The following MYO1D variants were observed in gnomAD, a reference collection of about 807,000 sequenced individuals.
MYO1D encodes the protein myosin ID.
A neutral mutation model predicts 122.0 loss-of-function variants in MYO1D; 83 were observed. That is an observed-to-expected ratio of 0.68 (90% CI 0.57 to 0.82). The LOEUF is 0.82. Among genes scored for constraint, MYO1D ranks in the 40% least tolerant of loss-of-function variants. The probability of loss-of-function intolerance (pLI) is 0.00; values close to 1 mark genes in which losing one functional copy is unlikely to be tolerated. For missense variants in MYO1D, 1,157 were observed against 1,269.5 expected, an observed-to-expected ratio of 0.91 and a Z score of 1.35; for synonymous variants, 464 against 446.9, an observed-to-expected ratio of 1.04 and a Z score of -0.48.
intron 21 of MYO1D, among the ~76,000 whole-genome samples, chr17:32,553,037 G>A (rs1192090810): frequency 1.3e-5 from 2 of 149,854 alleles, no homozygotes; most frequent in African/African-American, 4.9e-5. Context: ...AGGAGTTCAG[G>A]GCCAGTATGG....
At chr17:32,772,413 A>G (rs1194521244) in intron 5 of MYO1D, among the ~76,000 whole-genome samples, 1 of 152,218 alleles carries the variant, frequency 6.6e-6, no homozygotes, top group African/African-American at 2.4e-5. Context: ...GATCTCTAGA[A>G]CTCCCAAATA....
chr17:32,496,493 G>A (rs529474393), intron 21 of MYO1D, among the ~76,000 whole-genome samples: 3 of 152,340 alleles, frequency 2.0e-5, no homozygotes, highest in Middle Eastern at 3.4e-3. Flanking sequence ...AGCAGAGGCC[G>A]TGACTCAGGC....
rs2087998386 is a variant in MYO1D, at chr17:32,631,016, A to G, written c.2709+7706T>C. On this transcript the variant is annotated intron_variant, in intron 20 of 21. Transcript: ENST00000318217. The stretch of plus-strand genomic sequence containing the variant: ...TCATACTGGATTAGGGCCCACTCTT[A>G]AGATCCCACTTTAACTTAATTACTA... Among the ~76,000 whole-genome samples, 3 of 152,154 alleles carry G rather than the reference A, an allele frequency of 2.0e-5. No homozygotes were observed. The South Asian group carries it at 6.2e-4, about 31-fold the overall frequency.
At chr17:32,680,006 T>C (rs1305186671) in intron 16 of MYO1D, among the ~76,000 whole-genome samples, 1 of 135,704 alleles carries the variant, frequency 7.4e-6, no homozygotes, top group Non-Finnish European at 1.6e-5. Flanking sequence ...CTAGGTATTT[T>C]ATTCTCTTTG....
At chr17:32,738,497 C>G (rs2089734739) in intron 13 of MYO1D, 112 bp from the exon 14 acceptor site, 2 of 1,143,888 alleles carry the variant, frequency 1.7e-6, no homozygotes, top group African/African-American at 3.2e-5. Flanking sequence ...ACTACAGATT[C>G]AACTCACAAG....
Position 32,686,871 on chromosome 17 carries a change from C to G in MYO1D, c.2121+25117G>C, listed in dbSNP as rs145895779. On this transcript the variant is annotated intron_variant, in intron 16 of 21. Coordinates refer to ENST00000318217, the MANE Select transcript of MYO1D (RefSeq NM_015194.3). ...ATAAGAGTGAGACCCTGTTTCAAAG[C>G]GGGAGGGATTGCTTGAGCCCTGGAA... Among the ~76,000 whole-genome samples, 323 of 151,296 alleles carry G rather than the reference C, an allele frequency of 2.1e-3. 1 individual carries two copies. The highest frequency in any genetic ancestry group is 7.3e-3 in the African/African-American group (300 of 41,224).
chr17:32,703,510 T>G (rs321175), intron 16 of MYO1D, among the ~76,000 whole-genome samples: 148,036 of 151,396 alleles, frequency 0.98, 72,408 homozygotes, highest in East Asian at 1. Flanking sequence ...TGAACTCCTG[T>G]GCTAAAGTGA....
chr17:32,670,735 C>G (rs1471535133), intron 16 of MYO1D, among the ~76,000 whole-genome samples: 2 of 152,186 alleles, frequency 1.3e-5, no homozygotes. Flanking sequence ...TGCATACTCA[C>G]AAACCAATTA....
intron 21 of MYO1D, among the ~76,000 whole-genome samples, chr17:32,528,777 A>G (rs1910423517): frequency 6.6e-6 from 1 of 152,178 alleles, no homozygotes; most frequent in African/African-American, 2.4e-5. Context: ...GCAGTCACAA[A>G]CCAAGGAGTG....
chr17:32,836,219 A>G (rs2090821524), intron 1 of MYO1D, among the ~76,000 whole-genome samples: 1 of 152,226 alleles, frequency 6.6e-6, no homozygotes, highest in South Asian at 2.1e-4. Context: ...CCTATTAACC[A>G]TATGCTATTC....
intron 1 of MYO1D, among the ~76,000 whole-genome samples, chr17:32,795,020 A>G (rs909490683): frequency 1.3e-4 from 20 of 152,118 alleles, no homozygotes; most frequent in African/African-American, 4.8e-4. Context: ...GGAGACGGTA[A>G]CTTACTGGGT....
At position 32,502,670 on chromosome 17, in the gene MYO1D, T is replaced by C. The variant is rs1037150738; in HGVS notation, c.2865-7755A>G. On this transcript the variant is annotated intron_variant, in intron 21 of 21. Transcript: ENST00000318217. ...TTAGCCAAAATAATTTTAAGACTAA[T>C]AAGAGATTTCTTGTGCTGATCCTGG... Among the ~76,000 whole-genome samples the C allele has an allele frequency of 3.3e-5, 5 of 152,326 alleles. No homozygotes were observed. In the East Asian group the frequency reaches 9.6e-4, roughly 29 times the overall value.
At chr17:32,743,986 T>C (rs1157325423) in intron 13 of MYO1D, among the ~76,000 whole-genome samples, 1 of 152,170 alleles carries the variant, frequency 6.6e-6, no homozygotes, top group African/African-American at 2.4e-5. Context: ...TGTGTGCATT[T>C]TACATAGTAG....
intron 21 of MYO1D, among the ~76,000 whole-genome samples, chr17:32,523,073 C>T (rs962722598): frequency 4.6e-5 from 7 of 152,314 alleles, no homozygotes; most frequent in African/African-American, 1.7e-4. Flanking sequence ...CCTTGGCCTC[C>T]CAAAGTGCTG....
chr17:32,650,884 G>A (rs901511658), intron 19 of MYO1D, among the ~76,000 whole-genome samples: 1 of 152,086 alleles, frequency 6.6e-6, no homozygotes, highest in South Asian at 2.1e-4. Flanking sequence ...GGGTCAGTTT[G>A]AATGATTAAT....
intron 16 of MYO1D, among the ~76,000 whole-genome samples, chr17:32,702,848 G>C (rs540528879): frequency 3.9e-5 from 6 of 152,282 alleles, no homozygotes; most frequent in African/African-American, 1.4e-4. Flanking sequence ...GATGCTACAA[G>C]CTGCGAGCCA....
chr17:32,598,060 C>T (rs558273838), intron 21 of MYO1D, among the ~76,000 whole-genome samples: 13 of 151,938 alleles, frequency 8.6e-5, no homozygotes, highest in East Asian at 3.9e-4. Flanking sequence ...ATTAATGACT[C>T]GGAGAGGTAC....
chr17:32,848,061 T>C (rs17183600), intron 1 of MYO1D, among the ~76,000 whole-genome samples: 22,018 of 152,254 alleles, frequency 0.14, 2,046 homozygotes, highest in Middle Eastern at 0.29. Flanking sequence ...TGAATACACA[T>C]GAATGAAAGT....
intron 14 of MYO1D, among the ~76,000 whole-genome samples, chr17:32,737,625 G>A (rs1480856865): frequency 3.3e-5 from 5 of 152,038 alleles, no homozygotes; most frequent in Non-Finnish European, 7.4e-5. Context: ...GACTGTGGGT[G>A]CATGCCACCA....
Sources: allele counts gnomAD v4.1 joint callset (sites outside exome capture counted in the v4.1 genomes callset), GRCh38; gene constraint gnomAD v4.1.1; transcripts MANE v1.5; gene names NCBI Gene and HGNC (gene_info 2026-07-23, HGNC 2026-07-21).